PLCXD3: variants seen among roughly 807,000 people sequenced by gnomAD.
PLCXD3 encodes PI-PLC X domain-containing protein 3.
In PLCXD3, 19 loss-of-function variants were observed where a neutral mutation model predicts 25.5. The observed-to-expected ratio is 0.75, with a 90% CI of 0.52 to 1.09. The LOEUF (loss-of-function observed/expected upper bound fraction) is 1.09, where lower values mean the gene tolerates loss of function less well. Ranked by LOEUF, PLCXD3 falls within the 50% of genes least tolerant of loss-of-function variation. The pLI is 0.00. For missense variants in PLCXD3, 411 were observed against 388.1 expected, an observed-to-expected ratio of 1.06 and a Z score of -0.50; for synonymous variants, 174 against 137.6, an observed-to-expected ratio of 1.26 and a Z score of -1.85.
chr5:41,444,405 C>T (rs1465964091), intron 1 of PLCXD3, among the ~76,000 whole-genome samples: 1 of 152,168 alleles, frequency 6.6e-6, no homozygotes, highest in Non-Finnish European at 1.5e-5. Flanking sequence ...TAGAGGGGCT[C>T]ATTCAGTGCT....
intron 1 of PLCXD3, among the ~76,000 whole-genome samples, chr5:41,411,596 A>G (rs1345606828): frequency 2.0e-5 from 3 of 152,186 alleles, no homozygotes; most frequent in Non-Finnish European, 4.4e-5. Flanking sequence ...ACTAGAATGT[A>G]GGTACCAAGT....
chr5:41,480,627 T>C (rs974062517), intron 1 of PLCXD3, among the ~76,000 whole-genome samples: 1 of 152,042 alleles, frequency 6.6e-6, no homozygotes, highest in Non-Finnish European at 1.5e-5. Context: ...TTGTTAAAAG[T>C]ATAGCATAGT....
chr5:41,479,197 C>T (rs1748342335), intron 1 of PLCXD3, among the ~76,000 whole-genome samples: 1 of 152,062 alleles, frequency 6.6e-6, no homozygotes, highest in African/African-American at 2.4e-5. Context: ...TAAATGAAAG[C>T]TCCAGACCCA....
intron 2 of PLCXD3, among the ~76,000 whole-genome samples, chr5:41,328,101 A>G (rs1167218153): frequency 6.6e-6 from 1 of 152,168 alleles, no homozygotes; most frequent in Non-Finnish European, 1.5e-5. Context: ...CTAGAGCAAG[A>G]CTGTTTCTAT....
In PLCXD3 at chr5:41,306,990, A is replaced by G. The variant is rs1743022404; in HGVS notation, c.*6627T>C. 1 of 152,640 alleles carries G rather than the reference A, an allele frequency of 6.6e-6. No homozygotes were observed. The highest frequency in any genetic ancestry group is 2.1e-4 in the South Asian group (1 of 4,832). The allele number at this position is 152,640 out of a possible 1,614,324, so 9.5% of individuals were successfully genotyped here. A position where few individuals can be genotyped will look rare whatever the true frequency, so the allele number is the denominator to read the frequency against. ...GACTTTATTAGGCATTTCACTGAAT[A>G]CAAATAAACTTTTATTTTTTACATT... On this transcript the variant is annotated 3_prime_UTR_variant, in exon 3 of 3. Transcript: ENST00000377801.
chr5:41,371,683 A>G (rs1212491499), intron 2 of PLCXD3, among the ~76,000 whole-genome samples: 1 of 152,156 alleles, frequency 6.6e-6, no homozygotes, highest in Admixed American at 6.6e-5. Context: ...TAAATCCTGC[A>G]CGTTCAACTA....
intron 1 of PLCXD3, among the ~76,000 whole-genome samples, chr5:41,473,261 GAATC>G (rs1469787100): frequency 6.6e-6 from 1 of 151,898 alleles, no homozygotes; most frequent in East Asian, 1.9e-4. Context: ...GGCCTTTAAT[GAATC>G]AATTTGCAAT....
At chr5:41,446,191 A>AAAAAAAAAAAAC (rs1561275936) in intron 1 of PLCXD3, among the ~76,000 whole-genome samples, 1 of 148,662 alleles carries the variant, frequency 6.7e-6, no homozygotes, top group Non-Finnish European at 1.5e-5. Context: ...AAAAAAAAAA[A>AAAAAAAAAAAAC]AAAAAAAAAA....
rs74784408 is a variant in PLCXD3, at chr5:41,375,084, C to T, written c.812+6742G>A. On this transcript the variant is annotated intron_variant, in intron 2 of 2. Transcript: ENST00000377801. ...AATTGGGCAGTAGGAGGGTTGTGAG[C>T]TGGAGTGTGTCCCCATTGGAGAGAA... Among the ~76,000 whole-genome samples the T allele has an allele frequency of 1.6e-4, 24 of 151,832 alleles. No individual in the cohort carries two copies. The East Asian group carries it at 4.5e-3, about 28-fold the overall frequency.
Position 41,336,662 on chromosome 5 carries a change from C to A in PLCXD3, c.813-22892G>T, listed in dbSNP as rs556831916. 3.3e-5 allele frequency among the ~76,000 whole-genome samples: 5 copies of A among 152,128 alleles called. No individual in the cohort carries two copies. In the South Asian group the frequency reaches 8.3e-4, roughly 25 times the overall value. ...TAAGTTTCTGTCTGAGAATTGCCCT[C>A]GGCAAAAGAAAGCCACCTCACTCAA... On this transcript the variant is annotated intron_variant, in intron 2 of 2. Coordinates refer to ENST00000377801, the MANE Select transcript of PLCXD3 (RefSeq NM_001005473.3).
intron 2 of PLCXD3, among the ~76,000 whole-genome samples, chr5:41,367,977 C>G (rs1030628965): frequency 6.6e-6 from 1 of 152,062 alleles, no homozygotes; most frequent in African/African-American, 2.4e-5. Flanking sequence ...TCTGGGTTCT[C>G]TATTCTGTTC....
intron 1 of PLCXD3, among the ~76,000 whole-genome samples, chr5:41,481,244 G>T (rs1040128380): frequency 2.6e-5 from 4 of 151,934 alleles, no homozygotes; most frequent in African/African-American, 7.2e-5. Flanking sequence ...AAATGGGAAT[G>T]ATATTGACTA....
chr5:41,459,404 G>A (rs1237852229), intron 1 of PLCXD3, among the ~76,000 whole-genome samples: 1 of 151,776 alleles, frequency 6.6e-6, no homozygotes, highest in African/African-American at 2.4e-5. Context: ...AAATGGAGGT[G>A]AAAAATCAAT....
intron 2 of PLCXD3, among the ~76,000 whole-genome samples, chr5:41,377,355 T>A (rs1303171704): frequency 6.6e-6 from 1 of 151,982 alleles, no homozygotes; most frequent in Non-Finnish European, 1.5e-5. Context: ...CCTAAACTGT[T>A]GGCCTGTACA....
At chr5:41,501,092 G>A (rs1442774688) in intron 1 of PLCXD3, among the ~76,000 whole-genome samples, 3 of 151,942 alleles carry the variant, frequency 2.0e-5, no homozygotes, top group Non-Finnish European at 4.4e-5. Context: ...TGCAATTCTT[G>A]TACACTGTTG....
intron 2 of PLCXD3, among the ~76,000 whole-genome samples, chr5:41,315,364 TAGA>T (rs994497554): frequency 2.0e-5 from 3 of 151,230 alleles, no homozygotes; most frequent in Non-Finnish European, 2.9e-5. Context: ...TTTAAAAACC[TAGA>T]AGAAGTTGTA....
intron 1 of PLCXD3, among the ~76,000 whole-genome samples, chr5:41,449,389 C>G (rs961706994): frequency 6.6e-6 from 1 of 152,130 alleles, no homozygotes; most frequent in Non-Finnish European, 1.5e-5. Context: ...TTCATAATAA[C>G]TTTCTAATTT....
intron 1 of PLCXD3, among the ~76,000 whole-genome samples, chr5:41,451,045 C>T (rs1424533627): frequency 6.6e-6 from 1 of 152,008 alleles, no homozygotes; most frequent in Non-Finnish European, 1.5e-5. Context: ...GTTCTCCAAG[C>T]CAGGAGCAGT....
At chr5:41,441,719 T>C (rs1328827279) in intron 1 of PLCXD3, among the ~76,000 whole-genome samples, 2 of 152,228 alleles carry the variant, frequency 1.3e-5, no homozygotes, top group Non-Finnish European at 2.9e-5. Flanking sequence ...GACAACGTCT[T>C]GGGGATAAAC....
Sources: gnomAD v4.1 joint callset for allele counts (sites outside exome capture counted in the v4.1 genomes callset) on GRCh38, gnomAD v4.1.1 for gene constraint, MANE v1.5 for transcripts, NCBI Gene and HGNC (gene_info 2026-07-23, HGNC 2026-07-21) for gene names.